SORCS2: variants seen among roughly 807,000 people sequenced by gnomAD.
SORCS2 encodes the protein VPS10 domain-containing receptor SorCS2.
In SORCS2, 100 loss-of-function variants were observed where a neutral mutation model predicts 141.6. That is an observed-to-expected ratio of 0.71 (90% confidence interval 0.60 to 0.83). SORCS2 has a LOEUF of 0.83. SORCS2 is among the 40% of genes least tolerant of loss of function. The probability of loss-of-function intolerance (pLI) is 0.00; values close to 1 mark genes in which losing one functional copy is unlikely to be tolerated. For missense variants in SORCS2, 1,646 were observed against 1,560.2 expected (o/e 1.05, Z -0.93); for synonymous variants, 789 against 676.9 (o/e 1.17, Z -2.57).
intron 1 of SORCS2, among the ~76,000 whole-genome samples, chr4:7,239,952 G>A (rs141220483): frequency 2.5e-3 from 378 of 152,318 alleles, no homozygotes; most frequent in African/African-American, 8.0e-3. Context: ...TCTGTTTGGC[G>A]AGCACAGCCC....
At chr4:7,540,663 C>G (rs570062128) in intron 3 of SORCS2, among the ~76,000 whole-genome samples, 1 of 152,230 alleles carries the variant, frequency 6.6e-6, no homozygotes, top group Non-Finnish European at 1.5e-5. Flanking sequence ...ACCCGCTCCC[C>G]GGCCCACACA....
At chr4:7,285,880 C>G (rs1716187723) in intron 1 of SORCS2, among the ~76,000 whole-genome samples, 1 of 152,196 alleles carries the variant, frequency 6.6e-6, no homozygotes, top group East Asian at 1.9e-4. Context: ...GGGCCGTTCT[C>G]TGATGTTCGG....
chr4:7,636,420 CTG>C (rs756673289), intron 3 of SORCS2, among the ~76,000 whole-genome samples: 1 of 152,250 alleles, frequency 6.6e-6, no homozygotes, highest in South Asian at 2.1e-4. Context: ...CGAACGAACA[CTG>C]TGTGCTTGTA....
chr4:7,290,987 C>G (rs1716562321), intron 1 of SORCS2, among the ~76,000 whole-genome samples: 1 of 152,158 alleles, frequency 6.6e-6, no homozygotes, highest in Non-Finnish European at 1.5e-5. Flanking sequence ...AGAAGGGAGA[C>G]AGTCCTGGGA....
At chr4:7,297,598 T>C (rs868268095) in intron 1 of SORCS2, among the ~76,000 whole-genome samples, 27 of 152,344 alleles carry the variant, frequency 1.8e-4, no homozygotes, top group Middle Eastern at 6.8e-3. Flanking sequence ...GCTCCCTTCC[T>C]GTCCCCGAGT....
At chr4:7,579,333 C>A (rs371893120) in intron 3 of SORCS2, among the ~76,000 whole-genome samples, 2 of 152,212 alleles carry the variant, frequency 1.3e-5, no homozygotes, top group South Asian at 4.2e-4. Flanking sequence ...AAATCCCATG[C>A]GCTGGGCTAG....
intron 3 of SORCS2, among the ~76,000 whole-genome samples, chr4:7,543,495 CCATCCA>C (rs1712874383): frequency 6.2e-5 from 1 of 16,210 alleles, no homozygotes; most frequent in Admixed American, 1.4e-3. Flanking sequence ...ACTCATCCAT[CCATCCA>C]TCCATCCATC....
In SORCS2 at chr4:7,712,727, C is replaced by T. The variant is rs1250822382; in HGVS notation, c.1869-6C>T. 6 of 1,614,010 alleles carry T rather than the reference C, an allele frequency of 3.7e-6. No homozygotes were observed. In the South Asian group the frequency reaches 5.5e-5, roughly 15 times the overall value. ...TTCTCTCCCTTCCCTCCTCTTCCCA[C>T]CCCAGGGTCTTTGGCCACATCAGCT... On this transcript the variant is annotated splice_polypyrimidine_tract_variant and splice_region_variant and intron_variant, in intron 14 of 26. Coordinates refer to ENST00000507866, the MANE Select transcript of SORCS2 (RefSeq NM_020777.3).
At chr4:7,364,372 T>C (rs961619720) in intron 1 of SORCS2, among the ~76,000 whole-genome samples, 1 of 152,236 alleles carries the variant, frequency 6.6e-6, no homozygotes, top group Non-Finnish European at 1.5e-5. Context: ...CTCTTGTTTC[T>C]CTCAATGTGA....
intron 3 of SORCS2, among the ~76,000 whole-genome samples, chr4:7,547,745 C>T (rs1189961490): frequency 2.6e-5 from 4 of 152,208 alleles, no homozygotes; most frequent in Admixed American, 1.3e-4. Context: ...GTGAGACCTG[C>T]ATGTGCCTGT....
At chr4:7,524,917 G>GCATC (rs1577695896) in intron 2 of SORCS2, among the ~76,000 whole-genome samples, 1 of 152,178 alleles carries the variant, frequency 6.6e-6, no homozygotes, top group East Asian at 1.9e-4. Context: ...AAAGACGAGG[G>GCATC]CATCCATCAT....
intron 4 of SORCS2, among the ~76,000 whole-genome samples, chr4:7,639,549 G>A (rs1263017002): frequency 1.4e-5 from 1 of 71,358 alleles, no homozygotes; most frequent in Non-Finnish European, 3.7e-5. Flanking sequence ...TAGTGTGAAT[G>A]TGTGTGACTG....
chr4:7,463,547 C>A (rs1577606958), intron 2 of SORCS2, among the ~76,000 whole-genome samples: 1 of 152,132 alleles, frequency 6.6e-6, no homozygotes, highest in African/African-American at 2.4e-5. Context: ...AGGAACAGAC[C>A]CCCATCCTTG....
At chr4:7,651,200 G>T (rs577316972) in intron 4 of SORCS2, among the ~76,000 whole-genome samples, 111 of 152,328 alleles carry the variant, frequency 7.3e-4, no homozygotes, top group Non-Finnish European at 1.4e-3. Context: ...TGTTGTCCAG[G>T]ATGGGGAAAG....
intron 1 of SORCS2, among the ~76,000 whole-genome samples, chr4:7,382,242 C>G (rs1359148874): frequency 6.6e-6 from 1 of 152,152 alleles, no homozygotes; most frequent in Non-Finnish European, 1.5e-5. Flanking sequence ...AAGGTCTTGA[C>G]CACAGGGATG....
intron 2 of SORCS2, chr4:7,433,352 A>G (rs756186433): frequency 1.4e-6 from 2 of 1,437,018 alleles, no homozygotes; most frequent in South Asian, 1.6e-5. Flanking sequence ...ATCTCTTTCC[A>G]TACATGCTTC....
intron 1 of SORCS2, among the ~76,000 whole-genome samples, chr4:7,229,637 G>A (rs891935324): frequency 1.3e-5 from 2 of 152,242 alleles, no homozygotes; most frequent in Admixed American, 6.5e-5. Context: ...AGGTCACTCC[G>A]AGGCTGAAAA....
At chr4:7,458,851 T>C (rs947047998) in intron 2 of SORCS2, among the ~76,000 whole-genome samples, 1 of 152,050 alleles carries the variant, frequency 6.6e-6, no homozygotes, top group Non-Finnish European at 1.5e-5. Context: ...CAATGCTTAA[T>C]GGAGCCCTAA....
intron 3 of SORCS2, among the ~76,000 whole-genome samples, chr4:7,601,616 C>CAAAAAAAAA (rs1168678841): frequency 6.6e-5 from 3 of 45,644 alleles, no homozygotes; most frequent in African/African-American, 1.5e-4. Flanking sequence ...AAGACTCTCT[C>CAAAAAAAAA]AAAAAAAAAA....
Sources: gnomAD v4.1 joint callset for allele counts (sites outside exome capture counted in the v4.1 genomes callset) on GRCh38, gnomAD v4.1.1 for gene constraint, MANE v1.5 for transcripts, NCBI Gene and HGNC (gene_info 2026-07-23, HGNC 2026-07-21) for gene names.